ELP4: variants seen among roughly 807,000 people sequenced by gnomAD.
ELP4 encodes the protein elongator acetyltransferase complex subunit 4.
In ELP4, 51 loss-of-function variants were observed where a neutral mutation model predicts 48.9. The ratio of observed to expected loss-of-function variants is 1.04; its 90% CI spans 0.83 to 1.32. ELP4 has a LOEUF of 1.32. Ranked by LOEUF, ELP4 falls within the 40% of genes most tolerant of loss-of-function variation. The pLI is 0.00. For synonymous variants in ELP4, 210 were observed against 189.2 expected (o/e 1.11, Z -0.90); for missense variants, 519 against 514.6 (o/e 1.01, Z -0.08).
At chr11:31,572,404 A>C (rs370370321) in intron 3 of ELP4, among the ~76,000 whole-genome samples, 1 of 152,232 alleles carries the variant, frequency 6.6e-6, no homozygotes, top group Non-Finnish European at 1.5e-5. Context: ...TATGCCAGTA[A>C]ACAGAGCCTC....
At chr11:31,519,030 G>C (rs190774649) in intron 1 of ELP4, among the ~76,000 whole-genome samples, 25 of 151,958 alleles carry the variant, frequency 1.6e-4, no homozygotes, top group Admixed American at 1.6e-3. Flanking sequence ...GTCCAGGCTG[G>C]TTTTGAACTC....
chr11:31,747,666 C>T (rs976769055), intron 9 of ELP4, among the ~76,000 whole-genome samples: 2 of 152,230 alleles, frequency 1.3e-5, no homozygotes, highest in African/African-American at 4.8e-5. Flanking sequence ...GTGGCTACCA[C>T]TCTGGAGAGA....
At chr11:31,544,512 T>C (rs1956659608) in intron 3 of ELP4, among the ~76,000 whole-genome samples, 1 of 152,156 alleles carries the variant, frequency 6.6e-6, no homozygotes, top group African/African-American at 2.4e-5. Flanking sequence ...TCCAACTGGG[T>C]GGAGACCACC....
At position 31,603,753 on chromosome 11, in the gene ELP4, G is replaced by C. The variant is rs780244331; in HGVS notation, c.514-15G>C. The C allele has an allele frequency of 1.2e-6, 2 of 1,602,112 alleles. No homozygotes were observed. Among genetic ancestry groups the C allele is most frequent in the Non-Finnish European group, 1.7e-6 (2 of 1,173,622 alleles). ...AATAATTGTTTAACAACCACTATGG[G>C]GTTTATTTTAGCAGATTGGACCAGT... is the stretch of plus-strand genomic sequence containing the variant. On this transcript the variant is annotated splice_polypyrimidine_tract_variant and intron_variant, in intron 4 of 9. Coordinates refer to ENST00000640961, the MANE Select transcript of ELP4 (RefSeq NM_019040.5).
chr11:31,667,438 C>T lies in ELP4; in HGVS notation c.1143+17217C>T, dbSNP rs1032098184. ...AAGTTTATGGAAATTAATCTCCTGA[C>T]ATCACAGAAGTGATTACTTAGTATA... On this transcript the variant is annotated intron_variant, in intron 9 of 9. Coordinates refer to ENST00000640961, the MANE Select transcript of ELP4 (RefSeq NM_019040.5). Among the ~76,000 whole-genome samples, 3 of 152,156 alleles carry T rather than the reference C, an allele frequency of 2.0e-5. No individual in the cohort carries two copies. The East Asian group carries it at 5.8e-4, about 29-fold the overall frequency.
intron 5 of ELP4, among the ~76,000 whole-genome samples, chr11:31,618,993 C>G (rs985322797): frequency 6.6e-6 from 1 of 151,806 alleles, no homozygotes; most frequent in African/African-American, 2.4e-5. Context: ...TGGGGGTGGT[C>G]ACATACTACT....
intron 9 of ELP4, chr11:31,682,114 G>A (rs945149630): frequency 6.7e-5 from 82 of 1,215,998 alleles, no homozygotes; most frequent in Non-Finnish European, 8.3e-5. Context: ...CTTCTGTAAT[G>A]TCAGCGTCCC....
chr11:31,770,876 G>C (rs1332404974), intron 9 of ELP4, among the ~76,000 whole-genome samples: 2 of 148,936 alleles, frequency 1.3e-5, no homozygotes, highest in African/African-American at 4.9e-5. Context: ...GGGGAGGGAA[G>C]GATTGAAGGT....
chr11:31,689,267 C>G (rs1191987171), intron 9 of ELP4: 1 of 151,850 alleles, frequency 6.6e-6, no homozygotes, highest in Admixed American at 6.6e-5. Flanking sequence ...ATAGCAAGAC[C>G]TCGACTCTAC....
At chr11:31,679,957 G>A (rs911363237) in intron 9 of ELP4, among the ~76,000 whole-genome samples, 12 of 152,140 alleles carry the variant, frequency 7.9e-5, no homozygotes, top group Non-Finnish European at 1.5e-4. Flanking sequence ...TCCACCCTGA[G>A]CTTCCAACAG....
At chr11:31,709,548 T>G (rs1045277186) in intron 9 of ELP4, among the ~76,000 whole-genome samples, 1 of 152,192 alleles carries the variant, frequency 6.6e-6, no homozygotes, top group Admixed American at 6.5e-5. Flanking sequence ...GTAATTAATA[T>G]ACCACACCTC....
intron 9 of ELP4, chr11:31,652,694 A>G (rs1945346835): frequency 6.6e-6 from 1 of 151,794 alleles, no homozygotes; most frequent in Non-Finnish European, 1.5e-5. Context: ...TACTTTCAGA[A>G]GTAAAAGAGT....
chr11:31,690,180 G>A (rs1038202175), intron 9 of ELP4, among the ~76,000 whole-genome samples: 3 of 152,158 alleles, frequency 2.0e-5, no homozygotes, highest in Non-Finnish European at 2.9e-5. Flanking sequence ...GAATAGCAAA[G>A]CCAAGATTCA....
chr11:31,584,584 A>G (rs1014651407), intron 3 of ELP4, among the ~76,000 whole-genome samples: 1 of 152,062 alleles, frequency 6.6e-6, no homozygotes, highest in Non-Finnish European at 1.5e-5. Flanking sequence ...GCTGGAGTGC[A>G]GTGGCATGAT....
At chr11:31,722,190 A>G (rs1205584792) in intron 9 of ELP4, among the ~76,000 whole-genome samples, 2 of 152,230 alleles carry the variant, frequency 1.3e-5, no homozygotes, top group African/African-American at 4.8e-5. Flanking sequence ...AAGTAAGAGA[A>G]AACTTCCCAC....
At chr11:31,522,277 C>CA (rs1312661042) in intron 2 of ELP4, among the ~76,000 whole-genome samples, 2 of 152,194 alleles carry the variant, frequency 1.3e-5, no homozygotes, top group East Asian at 3.9e-4. Flanking sequence ...GGTATAAATA[C>CA]ATAAAATACA....
At chr11:31,780,905 C>G (rs1468661858) in intron 9 of ELP4, 3 of 152,228 alleles carry the variant, frequency 2.0e-5, no homozygotes, top group Non-Finnish European at 4.4e-5. Flanking sequence ...TTAAGCAAAT[C>G]TCCATTCTTC....
chr11:31,572,747 C>G (rs1460183020), intron 3 of ELP4, among the ~76,000 whole-genome samples: 1 of 152,168 alleles, frequency 6.6e-6, no homozygotes, highest in Non-Finnish European at 1.5e-5. Flanking sequence ...TACCTGTAGT[C>G]TCAGCACTTT....
At chr11:31,533,564 T>A (rs1484937778) in intron 2 of ELP4, among the ~76,000 whole-genome samples, 6 of 150,968 alleles carry the variant, frequency 4.0e-5, no homozygotes, top group Non-Finnish European at 8.9e-5. Flanking sequence ...TCTTTTTGTA[T>A]TTTTTAGTAG....
Sources: allele counts gnomAD v4.1 joint callset (sites outside exome capture counted in the v4.1 genomes callset), GRCh38; gene constraint gnomAD v4.1.1; transcripts MANE v1.5; gene names NCBI Gene and HGNC (gene_info 2026-07-23, HGNC 2026-07-21).